SLITRK4: variants seen among roughly 807,000 people sequenced by gnomAD.
The protein encoded by SLITRK4 is SLIT and NTRK like family member 4, also known as SLIT and NTRK-like protein 4.
Under a neutral mutation model 34.7 loss-of-function variants are expected in SLITRK4, and 7 were observed. The observed-to-expected ratio is 0.20, with a 90% CI of 0.11 to 0.38. The LOEUF is 0.38. Ranked by LOEUF, SLITRK4 falls within the 10% of genes least tolerant of loss-of-function variation. SLITRK4 has a pLI of 1.00. For missense variants in SLITRK4, 474 were observed against 607.0 expected (o/e 0.78, Z 2.30); for synonymous variants, 237 against 246.2 (o/e 0.96, Z 0.35).
Position 143,624,352 on chromosome X carries a change from G to C in SLITRK4, c.*4243C>G, listed in dbSNP as rs1247711045. The C allele has an allele frequency of 9.0e-6, 1 of 111,577 alleles. No homozygotes were observed. Among genetic ancestry groups the C allele is most frequent in the Non-Finnish European group, 1.9e-5 (1 of 52,920 alleles). The allele number at this position is 111,577 out of a possible 1,213,427, so 9.2% of individuals were successfully genotyped here. On this transcript the variant is annotated 3_prime_UTR_variant, in exon 2 of 2. Transcript: ENST00000356928. ...CAATGGAATACAGAGGTACTGAAGG[G>C]TTTCTAAAAGTATTTGAGCAGATAG...
At position 143,628,132 on chromosome X, in the gene SLITRK4, T is replaced by TTTTTTTTGTG; in HGVS notation, c.*462_*463insCACAAAAAAA. 1 of 194,092 alleles carries TTTTTTTTGTG rather than the reference T, an allele frequency of 5.2e-6. No homozygotes were observed. Among genetic ancestry groups the TTTTTTTTGTG allele is most frequent in the Non-Finnish European group, 8.8e-6 (1 of 113,500 alleles). The allele number at this position is 194,092 out of a possible 1,213,427, so 16.0% of individuals were successfully genotyped here. A position where few individuals can be genotyped will look rare whatever the true frequency, so the allele number is the denominator to read the frequency against. The stretch of plus-strand genomic sequence containing the variant: ...TTTTTTTTTTTTTTTTTTTTTACTT[T>TTTTTTTTGTG]TCAGATAATCTTTACACGGAGTTGT... On this transcript the variant is annotated 3_prime_UTR_variant, in exon 2 of 2. Coordinates refer to ENST00000356928, the MANE Select transcript of SLITRK4 (RefSeq NM_001184749.3).
rs782289538 is a variant in SLITRK4 at position 143,625,639 on chromosome X, T to C, written c.*2956A>G. 9.0e-6 allele frequency: 1 copy of C among 111,430 alleles called. No homozygotes were observed. Among genetic ancestry groups the C allele is most frequent in the African/African-American group, 3.2e-5 (1 of 30,827 alleles). 9.2% of individuals were successfully genotyped at this position (111,430 alleles called of 1,213,427 possible). On this transcript the variant is annotated 3_prime_UTR_variant, in exon 2 of 2. Transcript: ENST00000356928. ...ATGTACATATCATACCTCCAGGGGT[T>C]AAACTAACATCAAGGTTATAGTTGA...
chrX:143,630,877 T>A lies in SLITRK4; in HGVS notation c.232A>T (p.Thr78Ser), dbSNP rs1269027668. 6.6e-6 allele frequency: 8 copies of A among 1,203,683 alleles called. No individual in the cohort carries two copies. The Admixed American group carries it at 1.8e-4, about 27-fold the overall frequency. ...NNFLNILYPN[T>S]FLNFSHAVSL... is the part of the protein sequence containing the mutation. ...ACTGCATGTGAAAAATTCAAGAATG[T>A]ATTTGGATACAGAATATTTAAAAAA... Residue 78 changes from threonine (T) to serine (S), a missense_variant, in exon 2 of 2, where the codon ACA becomes TCA. Coordinates refer to ENST00000356928, the MANE Select transcript of SLITRK4 (RefSeq NM_001184749.3).
At chrX:143,632,069 T>C (rs181388490) in intron 1 of SLITRK4, among the ~76,000 whole-genome samples, 35 of 111,706 alleles carry the variant, frequency 3.1e-4, no homozygotes, top group Non-Finnish European at 6.6e-4. Context: ...ATTTACCATT[T>C]TGAACCCAGG....
chrX:143,630,405 A>T lies in SLITRK4; in HGVS notation c.704T>A (p.Ile235Asn). ...KAWLENMPYN[I>N]YIGEAICETP... ...TTCACAGATAGCTTCTCCTATGTAA[A>T]TGTTATATGGCATGTTCTCCAGCCA... The change falls in exon 2 of 2, where the codon ATT becomes AAT. Residue 235 changes from isoleucine (I) to asparagine (N), a missense_variant. Physicochemically the swap from Ile to Asn is moderately radical, Grantham distance 149. Transcript: ENST00000356928. The T allele has an allele frequency of 8.3e-7, 1 of 1,211,280 alleles. No individual in the cohort carries two copies. The highest frequency in any genetic ancestry group is 1.7e-5 in the African/African-American group (1 of 57,582).
chrX:143,629,008 C>T lies in SLITRK4; in HGVS notation c.2101G>A (p.Gly701Ser). The T allele has an allele frequency of 1.7e-6, 2 of 1,211,625 alleles. No homozygotes were observed. Among genetic ancestry groups the T allele is most frequent in the Non-Finnish European group, 2.2e-6 (2 of 895,561 alleles). ...AACCCAGTTTCTGACTCTTTCAAGC[C>T]ACAAGTGTGGCTCTTGCTCATCTGT... ...IEQMSKSHTC[G>S]LKESETGFMF... Residue 701 changes from glycine to serine, a missense_variant, in exon 2 of 2, where the codon GGC becomes AGC. Physicochemically the swap from Gly to Ser is moderately conservative, Grantham distance 56. Coordinates refer to ENST00000356928, the MANE Select transcript of SLITRK4 (RefSeq NM_001184749.3).
Position 143,636,028 on chromosome X carries a change from G to A in SLITRK4, c.-344C>T, listed in dbSNP as rs1931225705. Among the ~76,000 whole-genome samples the A allele has an allele frequency of 9.4e-6, 1 of 106,792 alleles. No homozygotes were observed. Among genetic ancestry groups the A allele is most frequent in the Non-Finnish European group, 1.9e-5 (1 of 51,658 alleles). 92.7% of individuals were successfully genotyped at this position (106,792 alleles called of 115,157 possible). On this transcript the variant is annotated 5_prime_UTR_variant, in exon 1 of 2. Transcript: ENST00000356928. ...AAGCCGGATGATCTTGGAGCTGGGG[G>A]TGGGGATAGGGGATAGGGGATAGGG...
intron 1 of SLITRK4, among the ~76,000 whole-genome samples, chrX:143,634,115 G>A (rs782489146): frequency 1.8e-5 from 2 of 112,659 alleles, no homozygotes; most frequent in South Asian, 7.3e-4. Flanking sequence ...GTTGGCACTA[G>A]GGAGTCACTG....
At chrX:143,632,222 G>A (rs781874475) in intron 1 of SLITRK4, among the ~76,000 whole-genome samples, 11 of 111,321 alleles carry the variant, frequency 9.9e-5, no homozygotes, top group Non-Finnish European at 2.1e-4. Context: ...CACATTTTTC[G>A]TCCTAAAATC....
At position 143,625,782 on chromosome X, in the gene SLITRK4, G is replaced by C. The variant is rs1159061961; in HGVS notation, c.*2813C>G. The C allele has an allele frequency of 9.0e-6, 1 of 111,692 alleles. No homozygotes were observed. The highest frequency in any genetic ancestry group is 1.9e-5 in the Non-Finnish European group (1 of 52,867). 9.2% of individuals were successfully genotyped at this position (111,692 alleles called of 1,213,427 possible). ...ACTAATGAGAGACAGGTGCAAAATT[G>C]TATACACTATATAATGTAGGCACAA... On this transcript the variant is annotated 3_prime_UTR_variant, in exon 2 of 2. Transcript: ENST00000356928.
Position 143,628,091 on chromosome X carries a change from C to CCTTTTTTTT in SLITRK4, c.*503_*504insAAAAAAAAG. The CCTTTTTTTT allele has an allele frequency of 1.4e-5, 1 of 72,821 alleles. No individual in the cohort carries two copies. The highest frequency in any genetic ancestry group is 1.4e-4 in the East Asian group (1 of 6,902). The allele number at this position is 72,821 out of a possible 1,213,427, so 6.0% of individuals were successfully genotyped here. A position where few individuals can be genotyped will look rare whatever the true frequency, so the allele number is the denominator to read the frequency against. On this transcript the variant is annotated 3_prime_UTR_variant, in exon 2 of 2. Coordinates refer to ENST00000356928, the MANE Select transcript of SLITRK4 (RefSeq NM_001184749.3). The stretch of plus-strand genomic sequence containing the variant: ...CTATCGAGTGTTCTCTCTTTGCATG[C>CCTTTTTTTT]TTTTTTTTTTTTTTTTTTTTTTTTT...
chrX:143,634,794 C>G (rs1005350), intron 1 of SLITRK4: 26,358 of 108,773 alleles, frequency 0.24, 2,867 homozygotes, highest in South Asian at 0.33. Flanking sequence ...CACACACGCA[C>G]GCACACGCGC....
In SLITRK4 at chrX:143,627,936, C is replaced by T; in HGVS notation, c.*659G>A. 1 of 214,591 alleles carries T rather than the reference C, an allele frequency of 4.7e-6. No homozygotes were observed. The highest frequency in any genetic ancestry group is 8.3e-6 in the Non-Finnish European group (1 of 119,846). The allele number at this position is 214,591 out of a possible 1,213,427, so 17.7% of individuals were successfully genotyped here. ...GATTTTTATGTATAGACAGGTAATG[C>T]TTAAAGTGTTCAAATTTATTTTATA... On this transcript the variant is annotated 3_prime_UTR_variant, in exon 2 of 2. Transcript: ENST00000356928.
At position 143,630,064 on chromosome X, in the gene SLITRK4, T is replaced by G. The variant is rs1556427316; in HGVS notation, c.1045A>C (p.Lys349Gln). The part of the protein sequence containing the change: ...LTPCPAPCFC[K>Q]THPSDLGLSV... ...AGTCCCAAATCTGAAGGGTGTGTTT[T>G]GCAGAAGCAAGGTGCCGGGCAAGGT... is the stretch of plus-strand genomic sequence containing the variant. Residue 349 changes from lysine to glutamine, a missense_variant, in exon 2 of 2, where the codon AAA becomes CAA. Around this residue, in one of 3 missense-constraint regions of SLITRK4, gnomAD observed 345 missense variants for 406.5 expected, o/e 0.85. Coordinates refer to ENST00000356928, the MANE Select transcript of SLITRK4 (RefSeq NM_001184749.3). 13 of 1,212,062 alleles carry G rather than the reference T, an allele frequency of 1.1e-5. No homozygotes were observed. The highest frequency in any genetic ancestry group is 1.5e-5 in the Non-Finnish European group (13 of 895,520).
Position 143,629,179 on chromosome X carries a change from G to A in SLITRK4, c.1930C>T (p.Arg644Ter). ...TTCACTGTGGGTTTCTTGTTGCGTCGCAGGACAAAAACAAGAAGGCAAAAA... is the reference window on the plus strand; with the variant it reads ...TTCACTGTGGGTTTCTTGTTGCGTCACAGGACAAAAACAAGAAGGCAAAAA... Reference protein sequence around the residue: ...VAFCLLVFVLRRNKKPTVKHE... With the variant: ...VAFCLLVFVL The change falls in exon 2 of 2, where the codon CGA (arginine) becomes TGA (stop). Residue 644 changes from arginine (R) to a stop codon, truncating the protein, a stop_gained. Transcript: ENST00000356928. LOFTEE classifies it high-confidence loss of function. 1 of 1,210,997 alleles carries A rather than the reference G, an allele frequency of 8.3e-7. No individual in the cohort carries two copies. Among genetic ancestry groups the A allele is most frequent in the Non-Finnish European group, 1.1e-6 (1 of 895,377 alleles).
In SLITRK4 at chrX:143,630,075, G is replaced by A; in HGVS notation, c.1034C>T (p.Pro345Leu). The A allele has an allele frequency of 1.7e-6, 2 of 1,211,940 alleles. No individual in the cohort carries two copies. Among genetic ancestry groups the A allele is most frequent in the Non-Finnish European group, 2.2e-6 (2 of 895,447 alleles). ...TGAAGGGTGTGTTTTGCAGAAGCAAGGTGCCGGGCAAGGTGTTAGAGGAGG... is the reference window on the plus strand; with the variant it reads ...TGAAGGGTGTGTTTTGCAGAAGCAAAGTGCCGGGCAAGGTGTTAGAGGAGG... ...RVPPLTPCPAPCFCKTHPSDL... is the reference protein window; with the variant it reads ...RVPPLTPCPALCFCKTHPSDL... The change falls in exon 2 of 2, where the codon CCT becomes CTT. Residue 345 changes from proline (P) to leucine (L), a missense_variant. Physicochemically the swap from Pro to Leu is moderately conservative, Grantham distance 98. This residue lies in a region of SLITRK4 where 345 missense variants were observed against 406.5 expected (regional missense o/e 0.85). Coordinates refer to ENST00000356928, the MANE Select transcript of SLITRK4 (RefSeq NM_001184749.3).
rs1404276245 is a variant in SLITRK4, at chrX:143,626,545, T to TAC, written c.*2048_*2049dup. The TAC allele has an allele frequency of 6.7e-5, 7 of 103,942 alleles. No homozygotes were observed. In the East Asian group the frequency reaches 1.2e-3, roughly 18 times the overall value. 8.6% of individuals were successfully genotyped at this position (103,942 alleles called of 1,213,427 possible). On this transcript the variant is annotated 3_prime_UTR_variant, in exon 2 of 2. Transcript: ENST00000356928. ...ACACACACTCAGACACACACACACATACACACACACCCAAGAAAGCCAAGC... is the reference window on the plus strand; with the variant it reads ...ACACACACTCAGACACACACACACATACACACACACACCCAAGAAAGCCAAGC...
chrX:143,631,201 G>T, intron 1 of SLITRK4, 43 bp from the exon 2 acceptor site: 2 of 724,079 alleles, frequency 2.8e-6, no homozygotes, highest in South Asian at 3.5e-5. Context: ...GTCATTACTT[G>T]AAAAATTACT....
chrX:143,635,481 A>AACACACACAC (rs782006427), intron 1 of SLITRK4, among the ~76,000 whole-genome samples: 762 of 55,237 alleles, frequency 0.014, 28 homozygotes, highest in Middle Eastern at 0.033. Context: ...ATAACGAAGG[A>AACACACACAC]ACACACACAC....
Sources: allele counts gnomAD v4.1 joint callset (sites outside exome capture counted in the v4.1 genomes callset), GRCh38; gene constraint gnomAD v4.1.1; regional missense constraint gnomAD v4.1.1; transcripts MANE v1.5; gene names NCBI Gene and HGNC (gene_info 2026-07-23, HGNC 2026-07-21).